ZZEF1: variants seen among roughly 807,000 people sequenced by gnomAD.
ZZEF1 encodes zinc finger ZZ-type and EF-hand domain-containing protein 1.
In ZZEF1, 157 loss-of-function variants were observed where a neutral mutation model predicts 342.8. That is an observed-to-expected ratio of 0.46 (90% CI 0.40 to 0.52). The LOEUF (loss-of-function observed/expected upper bound fraction) is 0.52. Among genes scored for constraint, ZZEF1 ranks in the 20% least tolerant of loss-of-function variants. The pLI is 0.00. For synonymous variants in ZZEF1, 1,505 were observed against 1,429.1 expected (o/e 1.05, Z -1.20); for missense variants, 3,480 against 3,725.6 (o/e 0.93, Z 1.72).
chr17:4,085,671 A>G lies in ZZEF1; in HGVS notation c.2645T>C (p.Met882Thr). Reference sequence around the variant, plus strand: ...ATCCAGACTTTTAGTAATAATTACCATCATGGTGAAGAGATGGTTCCGTCG... The same window carrying G: ...ATCCAGACTTTTAGTAATAATTACCGTCATGGTGAAGAGATGGTTCCGTCG... ...QTRRNHLFTM[M>T]NVTEQEHKQS... The change falls in exon 16 of 55, where the codon ATG (methionine) becomes ACG (threonine). Residue 882 changes from methionine to threonine, a missense_variant and splice_region_variant. Physicochemically the swap from Met to Thr is moderately conservative, Grantham distance 81. Coordinates refer to ENST00000381638, the MANE Select transcript of ZZEF1 (RefSeq NM_015113.4). 5 of 1,613,932 alleles carry G rather than the reference A, an allele frequency of 3.1e-6. No homozygotes were observed. The highest frequency in any genetic ancestry group is 4.2e-6 in the Non-Finnish European group (5 of 1,179,894).
At chr17:4,084,937 A>G (rs2057791468) in intron 16 of ZZEF1, among the ~76,000 whole-genome samples, 2 of 151,866 alleles carry the variant, frequency 1.3e-5, no homozygotes, top group South Asian at 4.2e-4. Context: ...ATATGGCAAA[A>G]CTCATCTCTA....
chr17:4,087,169 C>T (rs1272784404), intron 14 of ZZEF1, among the ~76,000 whole-genome samples: 12 of 152,166 alleles, frequency 7.9e-5, no homozygotes, highest in African/African-American at 2.7e-4. Flanking sequence ...CGTGAGCCAC[C>T]GCGCCCAGGC....
chr17:4,075,457 G>C, intron 21 of ZZEF1, 28 bp from the exon 22 acceptor site: 1 of 1,609,680 alleles, frequency 6.2e-7, no homozygotes, highest in Non-Finnish European at 8.5e-7. Flanking sequence ...CCAGGGGAAA[G>C]AAAGGTTCTA....
At chr17:4,020,906 A>G (rs2056251768) in intron 45 of ZZEF1, among the ~76,000 whole-genome samples, 1 of 152,226 alleles carries the variant, frequency 6.6e-6, no homozygotes. Flanking sequence ...GAGAGGACCT[A>G]AAGCTTTTGA....
intron 2 of ZZEF1, among the ~76,000 whole-genome samples, chr17:4,119,318 C>G (rs2058447085): frequency 6.6e-6 from 1 of 152,226 alleles, no homozygotes; most frequent in South Asian, 2.1e-4. Flanking sequence ...GGAATCACCA[C>G]CTTTGCATCT....
chr17:4,014,586 C>G lies in ZZEF1; in HGVS notation c.8146-71G>C. ...GACACTGACTGCAGCTGTCCCATGC[C>G]GAGTCCTGTGGCTGGACCCGGGTGT... On this transcript the variant is annotated intron_variant, in intron 49 of 54. Coordinates refer to ENST00000381638, the MANE Select transcript of ZZEF1 (RefSeq NM_015113.4). This position sits in a 1 kb window ranked among gnomAD's most constrained non-coding sequence, Gnocchi z 4.4. The G allele has an allele frequency of 1.3e-6, 2 of 1,542,748 alleles. No homozygotes were observed. The highest frequency in any genetic ancestry group is 1.7e-5 in the Admixed American group (1 of 58,948).
chr17:4,118,123 G>A (rs752339045), intron 2 of ZZEF1, among the ~76,000 whole-genome samples: 22 of 152,138 alleles, frequency 1.4e-4, no homozygotes, highest in Admixed American at 3.3e-4. Context: ...GCAGGGTGAC[G>A]GGTGGGAACC....
At chr17:4,039,641 CTTTT>C (rs1166970366) in intron 39 of ZZEF1, among the ~76,000 whole-genome samples, 1 of 119,594 alleles carries the variant, frequency 8.4e-6, no homozygotes. Flanking sequence ...AGAAAGAGAA[CTTTT>C]TTTTTTTTTT....
At chr17:4,123,838 C>T (rs2058530086) in intron 2 of ZZEF1, 69 bp downstream of exon 2, 8 of 1,543,110 alleles carry the variant, frequency 5.2e-6, no homozygotes, top group Non-Finnish European at 7.0e-6. Context: ...CACAATTTTG[C>T]CTAATTTCAA....
chr17:4,093,797 A>AT (rs35886006), intron 11 of ZZEF1, among the ~76,000 whole-genome samples: 25,278 of 151,526 alleles, frequency 0.17, 2,160 homozygotes, highest in East Asian at 0.18. Flanking sequence ...CTCCTTGAGT[A>AT]TTTTTTTTTC....
At chr17:4,099,543 ATTTTTT>A (rs35639314) in intron 9 of ZZEF1, among the ~76,000 whole-genome samples, 134 of 131,914 alleles carry the variant, frequency 1.0e-3, no homozygotes, top group Non-Finnish European at 1.3e-3. Flanking sequence ...TTTGACTGTG[ATTTTTT>A]TTTTTTTTTT....
chr17:4,080,547 A>G (rs2057703612), intron 18 of ZZEF1, among the ~76,000 whole-genome samples: 1 of 152,176 alleles, frequency 6.6e-6, no homozygotes, highest in Admixed American at 6.5e-5. Context: ...TTTTAATTAA[A>G]AATTAAATTA....
intron 11 of ZZEF1, 62 bp from the exon 12 acceptor site, chr17:4,090,892 T>A: frequency 1.6e-6 from 2 of 1,260,624 alleles, no homozygotes; most frequent in East Asian, 4.7e-5. Flanking sequence ...GTCTAACAAA[T>A]AAGGTATCAT....
At chr17:4,133,451 G>C (rs1396667399) in intron 1 of ZZEF1, among the ~76,000 whole-genome samples, 1 of 152,070 alleles carries the variant, frequency 6.6e-6, no homozygotes, top group Non-Finnish European at 1.5e-5. Flanking sequence ...ACCATCTGAA[G>C]ACCAAATGCT....
intron 39 of ZZEF1, among the ~76,000 whole-genome samples, chr17:4,034,667 T>C (rs1170100166): frequency 6.6e-6 from 1 of 152,162 alleles, no homozygotes; most frequent in African/African-American, 2.4e-5. Flanking sequence ...GAATAGTCTT[T>C]CAACCTTTTT....
At chr17:4,136,172 C>A (rs146036451) in intron 1 of ZZEF1, among the ~76,000 whole-genome samples, 253 of 150,352 alleles carry the variant, frequency 1.7e-3, no homozygotes, top group East Asian at 4.2e-3. Flanking sequence ...GTGAAACCCC[C>A]GTCTCTACTA....
At position 4,021,258 on chromosome 17, in the gene ZZEF1, G is replaced by A. The variant is rs1285303501; in HGVS notation, c.7275C>T (p.Asp2425=). 2 of 1,614,160 alleles carry A rather than the reference G, an allele frequency of 1.2e-6. No homozygotes were observed. The highest frequency in any genetic ancestry group is 1.7e-6 in the Non-Finnish European group (2 of 1,180,034). The change falls in exon 45 of 55, where the codon GAC becomes GAT. Residue 2425 remains aspartate (D), a synonymous_variant. Transcript: ENST00000381638. The stretch of plus-strand genomic sequence containing the variant: ...GGTCCCCTCGCTCATCCAGCTCTAG[G>A]TCTCCGTGCTCAGCCAAAGCGTTGA... The part of the protein sequence containing the change: ...KEINALAEHG[D]LELDERGDRE...
chr17:4,025,516 G>A (rs573764744), intron 42 of ZZEF1, among the ~76,000 whole-genome samples: 34 of 151,894 alleles, frequency 2.2e-4, no homozygotes, highest in East Asian at 5.8e-4. Flanking sequence ...GCAAAACCCC[G>A]TCTAATAATA....
At chr17:4,012,642 A>G (rs2055993373) in intron 52 of ZZEF1, among the ~76,000 whole-genome samples, 1 of 152,240 alleles carries the variant, frequency 6.6e-6, no homozygotes, top group Admixed American at 6.5e-5. Flanking sequence ...CCAATTCAAC[A>G]CTATATGTCC....
Sources: allele counts gnomAD v4.1 joint callset (sites outside exome capture counted in the v4.1 genomes callset), GRCh38; gene constraint gnomAD v4.1.1; non-coding constraint Gnocchi (gnomAD v3.1); transcripts MANE v1.5; gene names NCBI Gene and HGNC (gene_info 2026-07-23, HGNC 2026-07-21).